DLC1: variants seen among roughly 807,000 people sequenced by gnomAD.
DLC1 encodes the protein DLC1 Rho GTPase activating protein.
In DLC1, 54 loss-of-function variants were observed where a neutral mutation model predicts 140.3. The observed-to-expected ratio is 0.38, with a 90% confidence interval of 0.31 to 0.48. DLC1 has a LOEUF of 0.48. Among genes scored for constraint, DLC1 ranks in the 20% least tolerant of loss-of-function variants. The pLI, the probability that DLC1 is intolerant of heterozygous loss-of-function variation, is 0.96. For synonymous variants in DLC1, 986 were observed against 728.1 expected (o/e 1.35, Z -5.70); for missense variants, 2,536 against 1,907.0 (o/e 1.33, Z -6.14).
At chr8:13,457,667 A>C (rs1799463107) in intron 2 of DLC1, among the ~76,000 whole-genome samples, 2 of 117,618 alleles carry the variant, frequency 1.7e-5, no homozygotes, top group Non-Finnish European at 3.3e-5. Flanking sequence ...ACAGAGCAAG[A>C]CTCCATCTCA....
chr8:13,306,558 TTG>T (rs33946205), intron 4 of DLC1, among the ~76,000 whole-genome samples: 47,569 of 142,614 alleles, frequency 0.33, 7,797 homozygotes, highest in Middle Eastern at 0.41. Context: ...GTGTGTGTGT[TTG>T]TGTGTGTGTG....
At chr8:13,419,909 G>C (rs889419240) in intron 2 of DLC1, among the ~76,000 whole-genome samples, 1 of 152,066 alleles carries the variant, frequency 6.6e-6, no homozygotes, top group African/African-American at 2.4e-5. Context: ...TTGGTCTATT[G>C]AGAGATTCAA....
chr8:13,257,263 C>A (rs987919443), intron 5 of DLC1, among the ~76,000 whole-genome samples: 1 of 149,186 alleles, frequency 6.7e-6, no homozygotes, highest in Admixed American at 6.7e-5. Context: ...TAATGAGACC[C>A]TGTCTCTACA....
intron 5 of DLC1, chr8:13,133,242 G>C: frequency 7.2e-7 from 1 of 1,383,884 alleles, no homozygotes; most frequent in Non-Finnish European, 9.3e-7. Flanking sequence ...GTGCGGCCAT[G>C]TCCTGGCTGG....
intron 2 of DLC1, among the ~76,000 whole-genome samples, chr8:13,487,015 C>T (rs1801000432): frequency 6.6e-6 from 1 of 152,138 alleles, no homozygotes; most frequent in African/African-American, 2.4e-5. Context: ...TGGGGTGAGG[C>T]AAATTATCCA....
intron 5 of DLC1, among the ~76,000 whole-genome samples, chr8:13,265,264 A>AAGCATTT (rs1365818494): frequency 1.3e-5 from 2 of 152,202 alleles, no homozygotes; most frequent in Non-Finnish European, 2.9e-5. Flanking sequence ...AGGGCGAAGA[A>AAGCATTT]AGCATTTACA....
At position 13,099,624 on chromosome 8, in the gene DLC1, C is replaced by G. The variant is rs1563591197; in HGVS notation, c.2713G>C (p.Glu905Gln). The G allele has an allele frequency of 2.5e-6, 4 of 1,614,136 alleles. No individual in the cohort carries two copies. Among genetic ancestry groups the G allele is most frequent in the Non-Finnish European group, 3.4e-6 (4 of 1,180,016 alleles). ...ACGTGGTAGAGGATGTCGTCCAGCT[C>G]GGGGAAGATGTCCTCGTTCTCCAGA... is the stretch of plus-strand genomic sequence containing the variant. ...ADLENEDIFP[E>Q]LDDILYHVKG... Residue 905 changes from glutamate (E) to glutamine (Q), a missense_variant, in exon 9 of 18, where the codon GAG (glutamate) becomes CAG (glutamine). Glu to Gln is a conservative substitution (Grantham distance 29). Transcript: ENST00000276297.
At chr8:13,503,752 G>C (rs948077435) in intron 1 of DLC1, among the ~76,000 whole-genome samples, 1 of 152,122 alleles carries the variant, frequency 6.6e-6, no homozygotes, top group East Asian at 1.9e-4. Flanking sequence ...TAAACATTAG[G>C]AATATAAACC....
chr8:13,245,890 T>C (rs902088733), intron 5 of DLC1, among the ~76,000 whole-genome samples: 2 of 151,866 alleles, frequency 1.3e-5, no homozygotes, highest in Non-Finnish European at 2.9e-5. Context: ...TTAGTAGAGA[T>C]GCAGTTTCAC....
chr8:13,408,320 T>A (rs1837651759), intron 2 of DLC1, among the ~76,000 whole-genome samples: 2 of 152,230 alleles, frequency 1.3e-5, no homozygotes, highest in Admixed American at 6.5e-5. Context: ...TTAACTGACA[T>A]GTAATCATTA....
chr8:13,402,037 C>G (rs1284646598), intron 2 of DLC1, among the ~76,000 whole-genome samples: 1 of 152,088 alleles, frequency 6.6e-6, no homozygotes, highest in African/African-American at 2.4e-5. Context: ...TTTTGGAAGA[C>G]TCTTTTGCAG....
At chr8:13,428,918 A>C (rs1015313416) in intron 2 of DLC1, among the ~76,000 whole-genome samples, 1 of 152,240 alleles carries the variant, frequency 6.6e-6, no homozygotes, top group Non-Finnish European at 1.5e-5. Flanking sequence ...GCTACAGGGC[A>C]ACCTGGTGGG....
intron 4 of DLC1, among the ~76,000 whole-genome samples, chr8:13,347,376 C>T (rs1260127713): frequency 1.3e-5 from 2 of 152,176 alleles, no homozygotes; most frequent in African/African-American, 2.4e-5. Flanking sequence ...GAGCCCTAAA[C>T]ATATCATCGC....
At chr8:13,483,782 T>C (rs951511942) in intron 2 of DLC1, among the ~76,000 whole-genome samples, 3 of 152,104 alleles carry the variant, frequency 2.0e-5, no homozygotes, top group Non-Finnish European at 4.4e-5. Context: ...AGATTTGCAT[T>C]GTTTAAAGAT....
At chr8:13,119,125 G>C (rs1355764316) in intron 5 of DLC1, among the ~76,000 whole-genome samples, 1 of 151,682 alleles carries the variant, frequency 6.6e-6, no homozygotes, top group African/African-American at 2.4e-5. Context: ...GCTACTTGAG[G>C]GGCTGAAGTG....
At chr8:13,460,401 C>T (rs746494395) in intron 2 of DLC1, among the ~76,000 whole-genome samples, 2 of 152,304 alleles carry the variant, frequency 1.3e-5, no homozygotes, top group Admixed American at 6.5e-5. Flanking sequence ...GCTCACTGCA[C>T]GTGTTCTGGG....
chr8:13,182,119 G>C (rs1826076846), intron 5 of DLC1, among the ~76,000 whole-genome samples: 2 of 152,086 alleles, frequency 1.3e-5, no homozygotes, highest in African/African-American at 4.8e-5. Context: ...GTGTCTGTTG[G>C]CTGCATAGAT....
At chr8:13,598,112 T>C (rs1254961234) in intron 1 of DLC1, among the ~76,000 whole-genome samples, 2 of 152,148 alleles carry the variant, frequency 1.3e-5, no homozygotes, top group African/African-American at 4.8e-5. Context: ...TTTCTAGAGA[T>C]TTTGAATTAA....
rs543299963 is a variant in DLC1, at chr8:13,514,622, A to G, written c.-146T>C. Reference sequence around the variant, plus strand: ...CTTACCTAGACAACGAGGAGCTGAAACGCCAAGGCATGACACTGCTCAACA... The same window carrying G: ...CTTACCTAGACAACGAGGAGCTGAAGCGCCAAGGCATGACACTGCTCAACA... On this transcript the variant is annotated 5_prime_UTR_variant, in exon 1 of 18. Transcript: ENST00000276297. 5 of 398,540 alleles carry G rather than the reference A, an allele frequency of 1.3e-5. No individual in the cohort carries two copies. Among genetic ancestry groups the G allele is most frequent in the African/African-American group, 8.2e-5 (4 of 48,750 alleles). 24.7% of individuals were successfully genotyped at this position (398,540 alleles called of 1,614,324 possible).
Sources: allele counts gnomAD v4.1 joint callset (sites outside exome capture counted in the v4.1 genomes callset), GRCh38; gene constraint gnomAD v4.1.1; transcripts MANE v1.5; gene names NCBI Gene and HGNC (gene_info 2026-07-23, HGNC 2026-07-21).